ARMH4: variants seen among roughly 807,000 people sequenced by gnomAD.
The protein encoded by ARMH4 is armadillo like helical domain containing 4.
In ARMH4, 49 loss-of-function variants were observed where a neutral mutation model predicts 61.9. That is an observed-to-expected ratio of 0.79 (90% CI 0.63 to 1.00). The LOEUF is 1.00. Ranked by LOEUF, ARMH4 falls within the 50% of genes least tolerant of loss-of-function variation. ARMH4 has a pLI of 0.00. For missense variants in ARMH4, 934 were observed against 930.0 expected (o/e 1.00, Z -0.06); for synonymous variants, 368 against 341.5 (o/e 1.08, Z -0.85).
intron 4 of ARMH4, among the ~76,000 whole-genome samples, chr14:58,116,924 G>C (rs1886550350): frequency 6.6e-6 from 1 of 152,118 alleles, no homozygotes; most frequent in African/African-American, 2.4e-5. Context: ...GAGCCCTGTA[G>C]CAATAATTAC....
At chr14:58,081,778 T>G (rs1357985951) in intron 5 of ARMH4, among the ~76,000 whole-genome samples, 1 of 151,724 alleles carries the variant, frequency 6.6e-6, no homozygotes, top group Non-Finnish European at 1.5e-5. Context: ...AGTGCTGGGA[T>G]TACAGGCGTG....
intron 5 of ARMH4, among the ~76,000 whole-genome samples, chr14:58,072,967 A>G (rs999450085): frequency 6.6e-6 from 1 of 152,208 alleles, no homozygotes; most frequent in Non-Finnish European, 1.5e-5. Flanking sequence ...TAAATTAGGG[A>G]CAGAGCCCTA....
intron 4 of ARMH4, among the ~76,000 whole-genome samples, chr14:58,105,679 T>A (rs1886147098): frequency 7.1e-6 from 1 of 141,808 alleles, no homozygotes; most frequent in South Asian, 2.2e-4. Flanking sequence ...AGAGTAAGAC[T>A]CCATCTCAAG....
At chr14:58,143,773 T>C (rs1887643382) in intron 1 of ARMH4, among the ~76,000 whole-genome samples, 1 of 48,030 alleles carries the variant, frequency 2.1e-5, no homozygotes, top group East Asian at 4.0e-4. Context: ...CTCTTTTTTT[T>C]TTTTTTTTTT....
intron 5 of ARMH4, among the ~76,000 whole-genome samples, chr14:58,012,582 A>G (rs1265637003): frequency 6.6e-6 from 1 of 152,218 alleles, no homozygotes; most frequent in Non-Finnish European, 1.5e-5. Flanking sequence ...AGGAAGGGAA[A>G]ATAAGCAAGC....
At chr14:58,028,436 T>G (rs1026906076) in intron 5 of ARMH4, among the ~76,000 whole-genome samples, 1 of 152,174 alleles carries the variant, frequency 6.6e-6, no homozygotes, top group Non-Finnish European at 1.5e-5. Flanking sequence ...TGGGGCTTCA[T>G]GTCTTTTATT....
chr14:58,132,174 T>TAGCC (rs752829012), intron 3 of ARMH4, among the ~76,000 whole-genome samples: 19 of 152,172 alleles, frequency 1.2e-4, no homozygotes, highest in Non-Finnish European at 1.8e-4. Context: ...CAGCCAAATA[T>TAGCC]AGCCCCAGGA....
At chr14:58,040,035 A>G (rs10129191) in intron 5 of ARMH4, among the ~76,000 whole-genome samples, 51,421 of 151,860 alleles carry the variant, frequency 0.34, 8,802 homozygotes, top group Non-Finnish European at 0.36. Flanking sequence ...AAACAACAAC[A>G]ACGAAAAGGA....
intron 2 of ARMH4, 90 bp from the exon 3 acceptor site, chr14:58,133,431 G>A (rs1419023646): frequency 3.2e-6 from 4 of 1,233,870 alleles, no homozygotes; most frequent in Admixed American, 2.3e-5. Flanking sequence ...TTGGGGGGAG[G>A]GGAGCAGATG....
chr14:58,012,800 A>G (rs1882455681), intron 5 of ARMH4, among the ~76,000 whole-genome samples: 6 of 152,258 alleles, frequency 3.9e-5, no homozygotes, highest in Admixed American at 3.9e-4. Flanking sequence ...CTGATCAACT[A>G]TGAAATTTTA....
At chr14:58,019,190 T>C (rs1213424034) in intron 5 of ARMH4, among the ~76,000 whole-genome samples, 1 of 152,184 alleles carries the variant, frequency 6.6e-6, no homozygotes, top group Non-Finnish European at 1.5e-5. Flanking sequence ...GTACAACACA[T>C]AACTATTGTT....
Position 58,138,906 on chromosome 14 carries a change from C to A in ARMH4, c.453G>T (p.Ala151=). The change falls in exon 2 of 8, where the codon GCG becomes GCT. Residue 151 remains alanine (A), a synonymous_variant. Transcript: ENST00000267485. ...TTTCATCAACAGTCAGAGAAGGAGT[C>A]GCAGTGATAGCAATGGTTAACATGG... ...AKAMLTIAIT[A]TPSLTVDEKE... 1 of 1,614,130 alleles carries A rather than the reference C, an allele frequency of 6.2e-7. No homozygotes were observed. Among genetic ancestry groups the A allele is most frequent in the Non-Finnish European group, 8.5e-7 (1 of 1,180,030 alleles).
At chr14:58,100,903 T>A (rs112734789) in intron 4 of ARMH4, 2,639 of 153,218 alleles carry the variant, frequency 0.017, 90 homozygotes, top group African/African-American at 0.06. Context: ...GCAGAATCAG[T>A]GAGTCAGAGT....
chr14:58,078,300 C>T (rs1212927468), intron 5 of ARMH4, among the ~76,000 whole-genome samples: 1 of 152,156 alleles, frequency 6.6e-6, no homozygotes, highest in East Asian at 1.9e-4. Flanking sequence ...TGTTTATATC[C>T]CACACATGCC....
intron 3 of ARMH4, 23 bp downstream of exon 3, chr14:58,133,067 G>A (rs1822881915): frequency 6.2e-7 from 1 of 1,613,024 alleles, no homozygotes; most frequent in Non-Finnish European, 8.5e-7. Flanking sequence ...CCAAAACAGA[G>A]TCCAATATCC....
Position 58,001,371 on chromosome 14 carries a change from G to A in ARMH4, c.*3365C>T, listed in dbSNP as rs901170705. On this transcript the variant is annotated 3_prime_UTR_variant, in exon 8 of 8. Transcript: ENST00000267485. ...ATAAGCATAAGCAATGAACACAGGCGTACAGATACTTCTTCAAGATCCTGA... is the reference window on the plus strand; with the variant it reads ...ATAAGCATAAGCAATGAACACAGGCATACAGATACTTCTTCAAGATCCTGA... 1.3e-5 allele frequency: 2 copies of A among 152,116 alleles called. No individual in the cohort carries two copies. Among genetic ancestry groups the A allele is most frequent in the African/African-American group, 4.8e-5 (2 of 41,404 alleles). The allele number at this position is 152,116 out of a possible 1,614,324, so 9.4% of individuals were successfully genotyped here.
At position 58,025,432 on chromosome 14, in the gene ARMH4, G is replaced by GAAACC. The variant is rs1363042880; in HGVS notation, c.2090-13287_2090-13283dup. 2.0e-5 allele frequency among the ~76,000 whole-genome samples: 3 copies of GAAACC among 152,050 alleles called. 1 individual carries two copies. Among genetic ancestry groups the GAAACC allele is most frequent in the Non-Finnish European group, 4.4e-5 (3 of 67,980 alleles). On this transcript the variant is annotated intron_variant, in intron 5 of 7. Coordinates refer to ENST00000267485, the MANE Select transcript of ARMH4 (RefSeq NM_001001872.4). ...TTCAATATCACATCTTTCAAGGTGG[G>GAAACC]AAACCTGATTGTTATCTTAATCAAT...
At chr14:58,144,523 C>A (rs559109060) in intron 1 of ARMH4, among the ~76,000 whole-genome samples, 6 of 152,006 alleles carry the variant, frequency 3.9e-5, no homozygotes, top group Non-Finnish European at 8.8e-5. Flanking sequence ...CCATTCTGGG[C>A]GACAGAGAAA....
At position 58,113,912 on chromosome 14, in the gene ARMH4, A is replaced by C. The variant is rs374352986; in HGVS notation, c.1832-16931T>G. ...TTTGATAGTGTTTTATTACCTCCTC[A>C]TTTTTGTGACTTTTTTTTATTTCTT... On this transcript the variant is annotated intron_variant, in intron 4 of 7. Transcript: ENST00000267485. Among the ~76,000 whole-genome samples, 46 of 151,642 alleles carry C rather than the reference A, an allele frequency of 3.0e-4. No individual in the cohort carries two copies. In the South Asian group the frequency reaches 8.6e-3, roughly 28 times the overall value.
Sources: allele counts gnomAD v4.1 joint callset (sites outside exome capture counted in the v4.1 genomes callset), GRCh38; gene constraint gnomAD v4.1.1; transcripts MANE v1.5; gene names NCBI Gene and HGNC (gene_info 2026-07-23, HGNC 2026-07-21).